The following DTD1 variants were observed in gnomAD, a reference collection of about 807,000 sequenced individuals.
The protein encoded by DTD1 is D-aminoacyl-tRNA deacylase 1.
Under a neutral mutation model 25.6 loss-of-function variants are expected in DTD1, and 13 were observed. That is an observed-to-expected ratio of 0.51 (90% CI 0.33 to 0.81). DTD1 has a LOEUF of 0.81. DTD1 is among the 30% of genes least tolerant of loss of function. The pLI, the probability that DTD1 is intolerant of heterozygous loss-of-function variation, is 0.02. For synonymous variants in DTD1, 110 were observed against 103.6 expected (o/e 1.06, Z -0.37); for missense variants, 193 against 266.4 (o/e 0.72, Z 1.92).
intron 4 of DTD1, among the ~76,000 whole-genome samples, chr20:18,635,383 G>A (rs569758479): frequency 6.6e-6 from 1 of 152,308 alleles, no homozygotes; most frequent in South Asian, 2.1e-4. Context: ...CCACATGGAA[G>A]GCCTCCTACC....
intron 3 of DTD1, among the ~76,000 whole-genome samples, chr20:18,614,477 G>T (rs1191799255): frequency 1.3e-5 from 2 of 152,186 alleles, no homozygotes; most frequent in South Asian, 4.1e-4. Flanking sequence ...CAGTAAAGCC[G>T]CTGGAGTATC....
At position 18,617,740 on chromosome 20, in the gene DTD1, A is replaced by C. The variant is rs1426536195; in HGVS notation, c.371-10387A>C. 6.8e-3 allele frequency among the ~76,000 whole-genome samples: 1,033 copies of C among 152,238 alleles called. 9 individuals carry two copies. The highest frequency in any genetic ancestry group is 0.031 in the Middle Eastern group (9 of 294). On this transcript the variant is annotated intron_variant, in intron 3 of 5. Transcript: ENST00000377452. Reference sequence around the variant, plus strand: ...ATCCATCTATCCATTTGCAAATGTGAGCAAATATGAATTTTAAAAATATTC... The same window carrying C: ...ATCCATCTATCCATTTGCAAATGTGCGCAAATATGAATTTTAAAAATATTC...
intron 4 of DTD1, chr20:18,675,125 AC>A (rs1261674245): frequency 1.3e-5 from 2 of 152,208 alleles, no homozygotes; most frequent in Middle Eastern, 3.2e-3. Context: ...AAAGTGGCCC[AC>A]TACAGAGGCT....
At chr20:18,669,877 G>T (rs6081285) in intron 4 of DTD1, among the ~76,000 whole-genome samples, 1 of 151,972 alleles carries the variant, frequency 6.6e-6, no homozygotes, top group African/African-American at 2.4e-5. Flanking sequence ...GCTGGCTCCA[G>T]TTCCATTGGG....
At chr20:18,740,018 G>A (rs2061270965) in intron 4 of DTD1, among the ~76,000 whole-genome samples, 3 of 152,076 alleles carry the variant, frequency 2.0e-5, no homozygotes, top group South Asian at 2.1e-4. Flanking sequence ...GCTGGCTCTC[G>A]GTGGGAGGGG....
At chr20:18,718,387 G>A (rs995800754) in intron 4 of DTD1, among the ~76,000 whole-genome samples, 1 of 152,192 alleles carries the variant, frequency 6.6e-6, no homozygotes, top group Admixed American at 6.5e-5. Flanking sequence ...CCTGCAAGTC[G>A]TGGCACTTGG....
chr20:18,685,963 C>T (rs1396492966), intron 4 of DTD1, among the ~76,000 whole-genome samples: 3 of 152,228 alleles, frequency 2.0e-5, no homozygotes, highest in Non-Finnish European at 4.4e-5. Context: ...TTTGTAGGCC[C>T]ATCGTAAAGT....
intron 4 of DTD1, among the ~76,000 whole-genome samples, chr20:18,651,252 A>T: frequency 6.6e-6 from 1 of 152,172 alleles, no homozygotes; most frequent in South Asian, 2.1e-4. Context: ...CCCGGGTTCA[A>T]GTGATTCTCC....
chr20:18,744,569 C>A (rs1452612723), intron 5 of DTD1, among the ~76,000 whole-genome samples: 1 of 145,498 alleles, frequency 6.9e-6, no homozygotes, highest in African/African-American at 2.5e-5. Context: ...GCATTTCTTA[C>A]ATGGCGGCAG....
intron 4 of DTD1, among the ~76,000 whole-genome samples, chr20:18,736,404 G>A (rs1441746411): frequency 6.6e-6 from 1 of 152,200 alleles, no homozygotes; most frequent in Non-Finnish European, 1.5e-5. Flanking sequence ...TGCCTCATTA[G>A]TGTCCATGGG....
intron 4 of DTD1, chr20:18,632,384 T>A (rs2060792078): frequency 6.1e-6 from 6 of 985,474 alleles, no homozygotes; most frequent in Non-Finnish European, 7.2e-6. Context: ...CCCCTAGCTC[T>A]CCAGTAGGTG....
At chr20:18,633,768 C>A (rs186202095) in intron 4 of DTD1, among the ~76,000 whole-genome samples, 1 of 152,182 alleles carries the variant, frequency 6.6e-6, no homozygotes, top group Non-Finnish European at 1.5e-5. Context: ...TTTCAAGAAT[C>A]TCAGAGCTCT....
At chr20:18,631,359 T>C (rs1399886619) in intron 4 of DTD1, 1 of 985,406 alleles carries the variant, frequency 1.0e-6, no homozygotes, top group African/African-American at 1.7e-5. Flanking sequence ...CCTGTGTGAC[T>C]GCTCGGCTGT....
At chr20:18,708,306 ATTT>A (rs375675246) in intron 4 of DTD1, among the ~76,000 whole-genome samples, 5,803 of 47,142 alleles carry the variant, frequency 0.12, 599 homozygotes, top group Non-Finnish European at 0.17. Context: ...TAATATATAT[ATTT>A]TATATATATA....
chr20:18,642,921 T>TTTC (rs1253117594), intron 4 of DTD1: 9 of 151,440 alleles, frequency 5.9e-5, no homozygotes, highest in Non-Finnish European at 1.2e-4. Flanking sequence ...TTTCTTTTCT[T>TTTC]TTATTTTTTT....
chr20:18,727,125 C>T (rs910457597), intron 4 of DTD1, among the ~76,000 whole-genome samples: 13 of 152,198 alleles, frequency 8.5e-5, no homozygotes, highest in Admixed American at 7.2e-4. Flanking sequence ...GGGACTTGGC[C>T]GCGTGCCTGG....
At chr20:18,720,972 A>G (rs561402417) in intron 4 of DTD1, among the ~76,000 whole-genome samples, 4 of 152,186 alleles carry the variant, frequency 2.6e-5, no homozygotes, top group Admixed American at 6.5e-5. Flanking sequence ...ATGTTTTATA[A>G]TCTGTGACCT....
chr20:18,752,531 TTG>T (rs780154423), intron 5 of DTD1, among the ~76,000 whole-genome samples: 7 of 152,212 alleles, frequency 4.6e-5, no homozygotes, highest in Non-Finnish European at 8.8e-5. Flanking sequence ...TTATTTCCTT[TTG>T]TTTCTTTCTT....
intron 4 of DTD1, among the ~76,000 whole-genome samples, chr20:18,664,361 G>T (rs759500449): frequency 6.6e-6 from 1 of 152,192 alleles, no homozygotes; most frequent in Non-Finnish European, 1.5e-5. Flanking sequence ...ATGAGAAAGT[G>T]TTCTTCCCAC....
Sources: gnomAD v4.1 joint callset for allele counts (sites outside exome capture counted in the v4.1 genomes callset) on GRCh38, gnomAD v4.1.1 for gene constraint, MANE v1.5 for transcripts, NCBI Gene and HGNC (gene_info 2026-07-23, HGNC 2026-07-21) for gene names.